Variants in UNC5C observed in about 807,000 individuals in gnomAD.
UNC5C encodes the protein netrin receptor UNC5C.
A neutral mutation model predicts 99.8 loss-of-function variants in UNC5C; 47 were observed. The ratio of observed to expected loss-of-function variants is 0.47; its 90% CI spans 0.37 to 0.60. UNC5C has a LOEUF of 0.60. UNC5C is among the 20% of genes least tolerant of loss of function. The pLI, the probability that UNC5C is intolerant of heterozygous loss-of-function variation, is 0.00. For synonymous variants in UNC5C, 487 were observed against 452.2 expected (o/e 1.08, Z -0.98); for missense variants, 1,062 against 1,165.9 (o/e 0.91, Z 1.30).
At chr4:95,368,523 T>C (rs990683918) in intron 1 of UNC5C, among the ~76,000 whole-genome samples, 1 of 152,196 alleles carries the variant, frequency 6.6e-6, no homozygotes, top group Admixed American at 6.5e-5. Context: ...TGTATATTTA[T>C]GATGCACTTC....
chr4:95,419,144 G>A (rs1262013612), intron 1 of UNC5C, among the ~76,000 whole-genome samples: 2 of 152,148 alleles, frequency 1.3e-5, no homozygotes, highest in Non-Finnish European at 2.9e-5. Context: ...TCAAATTGGT[G>A]TTAAATGATG....
At chr4:95,434,953 T>C (rs1053501055) in intron 1 of UNC5C, among the ~76,000 whole-genome samples, 1 of 152,058 alleles carries the variant, frequency 6.6e-6, no homozygotes, top group Non-Finnish European at 1.5e-5. Context: ...CAGAAGAGTT[T>C]TGCTCTTGCA....
intron 1 of UNC5C, among the ~76,000 whole-genome samples, chr4:95,530,696 CA>C (rs1438923049): frequency 2.6e-5 from 4 of 152,138 alleles, no homozygotes; most frequent in Non-Finnish European, 5.9e-5. Flanking sequence ...TCCTTTATAA[CA>C]TGATTACAAG....
intron 5 of UNC5C, among the ~76,000 whole-genome samples, chr4:95,245,479 C>T (rs1739470063): frequency 6.6e-6 from 1 of 152,126 alleles, no homozygotes; most frequent in Non-Finnish European, 1.5e-5. Context: ...GACAGCTCGT[C>T]TCAAATAATA....
chr4:95,498,709 G>T (rs1578196523), intron 1 of UNC5C, among the ~76,000 whole-genome samples: 1 of 149,304 alleles, frequency 6.7e-6, no homozygotes. Flanking sequence ...AACATACAGT[G>T]TTTTTTTTTT....
chr4:95,229,284 C>A (rs925349024), intron 7 of UNC5C, among the ~76,000 whole-genome samples: 7 of 152,030 alleles, frequency 4.6e-5, no homozygotes, highest in African/African-American at 7.3e-5. Flanking sequence ...CCTAGCCCCC[C>A]ACCCCGACAG....
At chr4:95,323,623 C>G (rs188044286) in intron 2 of UNC5C, among the ~76,000 whole-genome samples, 45 of 152,228 alleles carry the variant, frequency 3.0e-4, no homozygotes, top group African/African-American at 1.1e-3. Context: ...ACAGATCTCC[C>G]GTAGTTCCCC....
intron 1 of UNC5C, among the ~76,000 whole-genome samples, chr4:95,525,819 G>T (rs1722485154): frequency 6.6e-6 from 1 of 152,042 alleles, no homozygotes; most frequent in Admixed American, 6.6e-5. Flanking sequence ...AAGAATGGGA[G>T]GTAAGGGGGC....
At chr4:95,464,856 A>G (rs1250908870) in intron 1 of UNC5C, among the ~76,000 whole-genome samples, 1 of 152,220 alleles carries the variant, frequency 6.6e-6, no homozygotes, top group African/African-American at 2.4e-5. Context: ...CCATTTTCAG[A>G]ACTTAGAACA....
intron 1 of UNC5C, among the ~76,000 whole-genome samples, chr4:95,389,803 AATCT>A (rs1330570474): frequency 6.6e-5 from 10 of 152,102 alleles, no homozygotes; most frequent in African/African-American, 2.4e-4. Context: ...AGGAATGCAA[AATCT>A]ATCATTAATA....
intron 1 of UNC5C, among the ~76,000 whole-genome samples, chr4:95,531,865 CACA>C (rs1722653180): frequency 6.6e-6 from 1 of 152,150 alleles, no homozygotes; most frequent in Admixed American, 6.5e-5. Context: ...TGATTTTTGG[CACA>C]ACAATAACCC....
At chr4:95,280,145 G>A (rs1741001890) in intron 3 of UNC5C, among the ~76,000 whole-genome samples, 1 of 151,968 alleles carries the variant, frequency 6.6e-6, no homozygotes, top group Non-Finnish European at 1.5e-5. Context: ...CTGCTCGCAA[G>A]GTATATCCCT....
chr4:95,226,753 G>A (rs1738705483), intron 7 of UNC5C, among the ~76,000 whole-genome samples: 1 of 152,182 alleles, frequency 6.6e-6, no homozygotes, highest in African/African-American at 2.4e-5. Flanking sequence ...CAAATTGATG[G>A]TAAAAAGGTA....
In UNC5C at chr4:95,250,768, C is replaced by G. The variant is rs1051630918; in HGVS notation, c.595-101G>C. On this transcript the variant is annotated intron_variant, in intron 4 of 15. Coordinates refer to ENST00000453304, the MANE Select transcript of UNC5C (RefSeq NM_003728.4). ...GTACACTTGATCTTAGCCAAAAGGCCGAGAAGCGATACCTGTGTTTTGTAA... is the reference window on the plus strand; with the variant it reads ...GTACACTTGATCTTAGCCAAAAGGCGGAGAAGCGATACCTGTGTTTTGTAA... The G allele has an allele frequency of 5.9e-6, 7 of 1,180,962 alleles. No individual in the cohort carries two copies. In the Admixed American group the frequency reaches 8.6e-5, roughly 15 times the overall value. 73.2% of individuals were successfully genotyped at this position (1,180,962 alleles called of 1,614,324 possible).
chr4:95,389,537 A>T (rs2149444610), intron 1 of UNC5C, among the ~76,000 whole-genome samples: 1 of 152,296 alleles, frequency 6.6e-6, no homozygotes, highest in Admixed American at 6.5e-5. Flanking sequence ...TGTGGCTGAT[A>T]TAACTTATTA....
At chr4:95,209,461 A>G (rs1362403474) in intron 10 of UNC5C, among the ~76,000 whole-genome samples, 1 of 152,176 alleles carries the variant, frequency 6.6e-6, no homozygotes, top group East Asian at 1.9e-4. Flanking sequence ...CCAGGATCTC[A>G]CCAACCTATG....
intron 1 of UNC5C, among the ~76,000 whole-genome samples, chr4:95,340,643 A>G (rs891369558): frequency 1.3e-5 from 2 of 152,126 alleles, no homozygotes; most frequent in African/African-American, 4.8e-5. Context: ...GTACTGAATG[A>G]TTTCTAACTT....
intron 1 of UNC5C, among the ~76,000 whole-genome samples, chr4:95,438,154 T>A (rs1746843876): frequency 6.6e-6 from 1 of 152,086 alleles, no homozygotes; most frequent in Non-Finnish European, 1.5e-5. Flanking sequence ...GCTGTTGCTG[T>A]TGTTATTGCT....
chr4:95,408,837 C>G (rs181696268), intron 1 of UNC5C, among the ~76,000 whole-genome samples: 1 of 152,198 alleles, frequency 6.6e-6, no homozygotes, highest in Non-Finnish European at 1.5e-5. Flanking sequence ...TAAGTATAAC[C>G]TTAAGTATAA....
Sources: gnomAD v4.1 joint callset for allele counts (sites outside exome capture counted in the v4.1 genomes callset) on GRCh38, gnomAD v4.1.1 for gene constraint, MANE v1.5 for transcripts, NCBI Gene and HGNC (gene_info 2026-07-23, HGNC 2026-07-21) for gene names.